Variants in UNC13B observed in about 807,000 individuals in gnomAD.
UNC13B encodes unc-13 homolog B.
A neutral mutation model predicts 211.0 loss-of-function variants in UNC13B; 144 were observed. That is an observed-to-expected ratio of 0.68 (90% CI 0.60 to 0.78). UNC13B has a LOEUF of 0.78. Ranked by LOEUF, UNC13B falls within the 30% of genes least tolerant of loss-of-function variation. UNC13B has a pLI of 0.00. For missense variants in UNC13B, 1,777 were observed against 2,002.0 expected, an observed-to-expected ratio of 0.89 and a Z score of 2.14; for synonymous variants, 709 against 725.8, an observed-to-expected ratio of 0.98 and a Z score of 0.37.
intron 13 of UNC13B, 29 bp downstream of exon 13, chr9:35,370,425 G>A (rs747012577): frequency 6.2e-7 from 1 of 1,609,482 alleles, no homozygotes; most frequent in Middle Eastern, 1.7e-4. Flanking sequence ...GCAGGCATAG[G>A]CAGTAGCCTT....
chr9:35,377,608 A>G lies in UNC13B; in HGVS notation c.9976A>G (p.Lys3326Glu), dbSNP rs370039649. The change falls in exon 16 of 40, where the codon AAA (lysine) becomes GAA (glutamate). Residue 3326 changes from lysine to glutamate, a missense_variant. Physicochemically the swap from Lys to Glu is moderately conservative, Grantham distance 56. Coordinates refer to ENST00000635942, the MANE Select transcript of UNC13B (RefSeq NM_001371189.2). Reference protein sequence around the residue: ...EVIRDVFTVNKAAHVQQMKTV... With the variant: ...EVIRDVFTVNEAAHVQQMKTV... ...TATCCGGGACGTCTTCACAGTGAACAAAGCTGCCCATGTGCAGCAGATGAA... is the reference window on the plus strand; with the variant it reads ...TATCCGGGACGTCTTCACAGTGAACGAAGCTGCCCATGTGCAGCAGATGAA... 3.1e-6 allele frequency: 5 copies of G among 1,614,132 alleles called. No individual in the cohort carries two copies. In the African/African-American group the frequency reaches 4.0e-5, roughly 13 times the overall value.
intron 21 of UNC13B, among the ~76,000 whole-genome samples, chr9:35,382,779 G>C (rs979574272): frequency 1.3e-5 from 2 of 152,022 alleles, no homozygotes; most frequent in Non-Finnish European, 2.9e-5. Flanking sequence ...GGCCAGGCTG[G>C]TCTGGAACTC....
At chr9:35,381,955 G>T (rs1362672923) in intron 20 of UNC13B, among the ~76,000 whole-genome samples, 2 of 152,226 alleles carry the variant, frequency 1.3e-5, no homozygotes, top group African/African-American at 2.4e-5. Context: ...AGGGAACTCT[G>T]CAGGGAAAGA....
At chr9:35,257,339 A>G in intron 6 of UNC13B, among the ~76,000 whole-genome samples, 1 of 131,014 alleles carries the variant, frequency 7.6e-6, no homozygotes, top group South Asian at 2.4e-4. Flanking sequence ...ATTTATATAA[A>G]TATTTATAAA....
At position 35,270,024 on chromosome 9, in the gene UNC13B, C is replaced by T. The variant is rs367880369; in HGVS notation, c.526+10974C>T. Among the ~76,000 whole-genome samples the T allele has an allele frequency of 7.5e-4, 114 of 152,240 alleles. 1 individual carries two copies. The South Asian group carries it at 0.018, about 25-fold the overall frequency. On this transcript the variant is annotated intron_variant, in intron 7 of 39. Coordinates refer to ENST00000635942, the MANE Select transcript of UNC13B (RefSeq NM_001371189.2). ...TAGATCCTGTGTCCTTTTGACATGG[C>T]CCTATCATTCTTTGACCACTTCCTT...
intron 11 of UNC13B, chr9:35,342,382 A>G (rs1249604690): frequency 1.0e-6 from 1 of 984,880 alleles, no homozygotes; most frequent in African/African-American, 1.7e-5. Flanking sequence ...ACTGAACAAC[A>G]AGCAGGGCAA....
chr9:35,349,417 G>A (rs978201726), intron 11 of UNC13B, among the ~76,000 whole-genome samples: 1 of 151,514 alleles, frequency 6.6e-6, no homozygotes, highest in Admixed American at 6.6e-5. Context: ...AGAGAAGGAA[G>A]AATTTGGCAT....
chr9:35,280,694 C>T (rs1164807969), intron 7 of UNC13B, among the ~76,000 whole-genome samples: 1 of 152,118 alleles, frequency 6.6e-6, no homozygotes, highest in African/African-American at 2.4e-5. Context: ...GAAACTATTA[C>T]AATATGGTTT....
chr9:35,294,159 A>C (rs1405826043), intron 7 of UNC13B, among the ~76,000 whole-genome samples: 1 of 152,092 alleles, frequency 6.6e-6, no homozygotes, highest in Non-Finnish European at 1.5e-5. Flanking sequence ...CATGTTTTAC[A>C]ATTCTGTCTG....
At chr9:35,227,903 A>G in intron 1 of UNC13B, 112 bp from the exon 2 acceptor site, 1 of 862,718 alleles carries the variant, frequency 1.2e-6, no homozygotes, top group Non-Finnish European at 1.8e-6. Context: ...CCAGGTTTAG[A>G]TTTAACAATC....
chr9:35,303,060 A>G lies in UNC13B; in HGVS notation c.3656A>G (p.His1219Arg), dbSNP rs902324248. Residue 1219 changes from histidine to arginine, a missense_variant, in exon 9 of 40, where the codon CAT becomes CGT. Coordinates refer to ENST00000635942, the MANE Select transcript of UNC13B (RefSeq NM_001371189.2). ...GNMKSLNGDN[H>R]LSLDEVPATS... ...ATGAAGAGTTTGAATGGAGATAACC[A>G]TTTATCCTTGGATGAGGTCCCTGCT... is the stretch of plus-strand genomic sequence containing the variant. 2.5e-6 allele frequency: 1 copy of G among 398,636 alleles called. No homozygotes were observed. Among genetic ancestry groups the G allele is most frequent in the Non-Finnish European group, 4.4e-6 (1 of 225,816 alleles). 24.7% of individuals were successfully genotyped at this position (398,636 alleles called of 1,614,324 possible). A position where few individuals can be genotyped will look rare whatever the true frequency, so the allele number is the denominator to read the frequency against.
chr9:35,292,371 A>G (rs1049140528), intron 7 of UNC13B, among the ~76,000 whole-genome samples: 3 of 152,072 alleles, frequency 2.0e-5, no homozygotes, highest in Non-Finnish European at 4.4e-5. Flanking sequence ...CTTTTTATTT[A>G]CCTATCAAAT....
At chr9:35,390,032 A>G in intron 25 of UNC13B, 59 bp downstream of exon 25, 1 of 1,599,616 alleles carries the variant, frequency 6.3e-7, no homozygotes, top group Non-Finnish European at 8.5e-7. Flanking sequence ...TCTGTCTAAC[A>G]ACCTCTTTCT....
rs1048345426 is a variant in UNC13B at position 35,353,385 on chromosome 9, C to G, written c.9415-13562C>G. On this transcript the variant is annotated intron_variant, in intron 11 of 39. Transcript: ENST00000635942. ...GACCTGGAAAGCAATGAGAGTGGTT[C>G]CCAGTCAGAGAACAGTGATCGACTT... is the stretch of plus-strand genomic sequence containing the variant. 34 of 1,232,138 alleles carry G rather than the reference C, an allele frequency of 2.8e-5. No individual in the cohort carries two copies. The Admixed American group carries it at 1.4e-3, about 52-fold the overall frequency. 76.3% of individuals were successfully genotyped at this position (1,232,138 alleles called of 1,614,324 possible). A position where few individuals can be genotyped will look rare whatever the true frequency, so the allele number is the denominator to read the frequency against.
intron 11 of UNC13B, among the ~76,000 whole-genome samples, chr9:35,349,790 T>G (rs1182651290): frequency 6.6e-6 from 1 of 152,224 alleles, no homozygotes; most frequent in African/African-American, 2.4e-5. Flanking sequence ...TTCTGGTTCC[T>G]CCTAGTCTGG....
rs1325098526 is a variant in UNC13B at position 35,308,211 on chromosome 9, A to G, written c.8807A>G (p.Glu2936Gly). The G allele has an allele frequency of 5.0e-6, 2 of 399,476 alleles. No homozygotes were observed. Among genetic ancestry groups the G allele is most frequent in the Admixed American group, 4.4e-5 (1 of 22,716 alleles). 24.7% of individuals were successfully genotyped at this position (399,476 alleles called of 1,614,324 possible). A position where few individuals can be genotyped will look rare whatever the true frequency, so the allele number is the denominator to read the frequency against. Reference protein sequence around the residue: ...GNQQEISASGEHWDTKANLSS... With the variant: ...GNQQEISASGGHWDTKANLSS... ...CAGCAGGAAATCTCAGCATCTGGAGAACACTGGGATACCAAAGCCAACCTG... is the reference window on the plus strand; with the variant it reads ...CAGCAGGAAATCTCAGCATCTGGAGGACACTGGGATACCAAAGCCAACCTG... Residue 2936 changes from glutamate to glycine, a missense_variant, in exon 9 of 40, where the codon GAA becomes GGA. By Grantham distance (98) the Glu-to-Gly change is moderately conservative (BLOSUM62 -2). Coordinates refer to ENST00000635942, the MANE Select transcript of UNC13B (RefSeq NM_001371189.2).
rs1829751681 is a variant in UNC13B at position 35,302,822 on chromosome 9, A to G, written c.3418A>G (p.Lys1140Glu). Residue 1140 changes from lysine (K) to glutamate (E), a missense_variant, in exon 9 of 40, where the codon AAG becomes GAG. Coordinates refer to ENST00000635942, the MANE Select transcript of UNC13B (RefSeq NM_001371189.2). Reference sequence around the variant, plus strand: ...AGATGAGGTTATAGATAAGACTTCCAAGAAAAATACCCAAGGAAGCTTCCT... The same window carrying G: ...AGATGAGGTTATAGATAAGACTTCCGAGAAAAATACCCAAGGAAGCTTCCT... ...NEDEVIDKTS[K>E]KNTQGSFLSG... The G allele has an allele frequency of 2.5e-6, 1 of 398,582 alleles. No individual in the cohort carries two copies. The highest frequency in any genetic ancestry group is 2.1e-5 in the African/African-American group (1 of 48,626). 24.7% of individuals were successfully genotyped at this position (398,582 alleles called of 1,614,324 possible). A position where few individuals can be genotyped will look rare whatever the true frequency, so the allele number is the denominator to read the frequency against.
chr9:35,326,747 A>G (rs1228336266), intron 11 of UNC13B, among the ~76,000 whole-genome samples: 1 of 152,248 alleles, frequency 6.6e-6, no homozygotes, highest in African/African-American at 2.4e-5. Context: ...AAATAAAACA[A>G]TTATAACCAT....
Position 35,301,041 on chromosome 9 carries a change from A to G in UNC13B, c.1637A>G (p.Lys546Arg). ...VGSLFSSLTEKVGSGTKHLTN... is the reference protein window; with the variant it reads ...VGSLFSSLTERVGSGTKHLTN... ...TCTTTGTTTAGTTCACTCACAGAAA[A>G]AGTGGGTTCAGGCACAAAGCATCTA... The change falls in exon 9 of 40, where the codon AAA (lysine) becomes AGA (arginine). Residue 546 changes from lysine to arginine, a missense_variant. Transcript: ENST00000635942. 2.5e-6 allele frequency: 1 copy of G among 398,904 alleles called. No homozygotes were observed. The highest frequency in any genetic ancestry group is 4.4e-6 in the Non-Finnish European group (1 of 225,986). The allele number at this position is 398,904 out of a possible 1,614,324, so 24.7% of individuals were successfully genotyped here.
Sources: gnomAD v4.1 joint callset for allele counts (sites outside exome capture counted in the v4.1 genomes callset) on GRCh38, gnomAD v4.1.1 for gene constraint, MANE v1.5 for transcripts, NCBI Gene and HGNC (gene_info 2026-07-23, HGNC 2026-07-21) for gene names.